The following C12orf42 variants were observed in gnomAD, a reference collection of about 807,000 sequenced individuals.
C12orf42 encodes chromosome 12 open reading frame 42, also known as uncharacterized protein C12orf42.
C12orf42 carries 25 observed loss-of-function variants against 21.6 expected under a neutral mutation model. The observed-to-expected ratio is 1.16, with a 90% CI of 0.84 to 1.62. C12orf42 has a LOEUF of 1.62. C12orf42 is among the 40% of genes most tolerant of loss of function. The pLI, the probability that C12orf42 is intolerant of heterozygous loss-of-function variation, is 0.00. For synonymous variants in C12orf42, 174 were observed against 175.0 expected, an observed-to-expected ratio of 0.99 and a Z score of 0.05; for missense variants, 483 against 459.3, an observed-to-expected ratio of 1.05 and a Z score of -0.47.
intron 4 of C12orf42, among the ~76,000 whole-genome samples, chr12:103,328,767 T>G (rs2040941321): frequency 1.3e-5 from 2 of 152,180 alleles, no homozygotes; most frequent in Non-Finnish European, 2.9e-5. Context: ...GCCATGTTAT[T>G]GAAAGAAAGC....
chr12:103,512,207 A>T, the C12orf42 span, among the ~76,000 whole-genome samples: 1 of 152,230 alleles, frequency 6.6e-6, no homozygotes, highest in African/African-American at 2.4e-5. Context: ...GTGCACAGAA[A>T]GACAACTATT....
At chr12:103,426,336 T>G (rs768007355) in intron 2 of C12orf42, among the ~76,000 whole-genome samples, 24 of 152,112 alleles carry the variant, frequency 1.6e-4, no homozygotes, top group Non-Finnish European at 2.8e-4. Flanking sequence ...AAAGCTGAAT[T>G]GATCAAGTGG....
chr12:103,400,562 T>G (rs915011428), intron 3 of C12orf42, among the ~76,000 whole-genome samples: 5 of 152,226 alleles, frequency 3.3e-5, no homozygotes, highest in African/African-American at 9.6e-5. Context: ...CTTACTTAGC[T>G]ATATTCCTCT....
downstream of C12orf42, among the ~76,000 whole-genome samples, chr12:103,234,123 A>G (rs1295908687): frequency 6.6e-6 from 1 of 152,122 alleles, no homozygotes; most frequent in Non-Finnish European, 1.5e-5. Flanking sequence ...TCGATTTTTG[A>G]ATCCTGAGCC....
At chr12:103,449,151 C>T (rs11111586) in intron 2 of C12orf42, among the ~76,000 whole-genome samples, 21,544 of 151,598 alleles carry the variant, frequency 0.14, 2,127 homozygotes, top group Admixed American at 0.26. Flanking sequence ...TGGAATACTA[C>T]GCAACCATAA....
chr12:103,221,453 T>A, the C12orf42 span, among the ~76,000 whole-genome samples: 1 of 152,232 alleles, frequency 6.6e-6, no homozygotes, highest in Non-Finnish European at 1.5e-5. Context: ...GAGCCTTCTA[T>A]TGCATTCACT....
chr12:103,109,645 T>A, the C12orf42 span, among the ~76,000 whole-genome samples: 1 of 149,870 alleles, frequency 6.7e-6, no homozygotes, highest in Admixed American at 6.7e-5. Flanking sequence ...ATACCATATA[T>A]AAGACGCAAA....
intron 2 of C12orf42, among the ~76,000 whole-genome samples, chr12:103,437,527 AAG>A (rs1331489955): frequency 3.9e-5 from 6 of 152,178 alleles, no homozygotes; most frequent in Non-Finnish European, 7.3e-5. Context: ...TAAAGAAAAA[AAG>A]AGAGAAGAAT....
chr12:103,335,180 G>C (rs2041584372), intron 4 of C12orf42, among the ~76,000 whole-genome samples: 1 of 152,194 alleles, frequency 6.6e-6, no homozygotes, highest in Admixed American at 6.5e-5. Flanking sequence ...TCCATATAAA[G>C]ATTGGGACAT....
intron 4 of C12orf42, among the ~76,000 whole-genome samples, chr12:103,343,785 A>G (rs185206775): frequency 7.2e-5 from 11 of 152,048 alleles, no homozygotes; most frequent in South Asian, 2.1e-4. Context: ...AAAAAAAAAA[A>G]AAAAAGAAAA....
At chr12:103,252,266 G>A (rs1406940297) in intron 10 of C12orf42, among the ~76,000 whole-genome samples, 1 of 152,128 alleles carries the variant, frequency 6.6e-6, no homozygotes, top group Non-Finnish European at 1.5e-5. Context: ...GTGTGCATAG[G>A]TCTTTATAGT....
intron 3 of C12orf42, among the ~76,000 whole-genome samples, chr12:103,400,479 G>A (rs2047900427): frequency 6.6e-6 from 1 of 152,190 alleles, no homozygotes; most frequent in African/African-American, 2.4e-5. Flanking sequence ...TGGGAGTCAT[G>A]GAATCCCTCA....
At chr12:103,362,477 T>C (rs776880635) in intron 4 of C12orf42, among the ~76,000 whole-genome samples, 4 of 152,032 alleles carry the variant, frequency 2.6e-5, no homozygotes, top group Non-Finnish European at 2.9e-5. Context: ...AAAATCACAC[T>C]AGCTCACCAG....
At chr12:103,427,973 C>T (rs529701415) in intron 2 of C12orf42, among the ~76,000 whole-genome samples, 2 of 152,152 alleles carry the variant, frequency 1.3e-5, no homozygotes, top group Non-Finnish European at 2.9e-5. Flanking sequence ...ACAGCTAAAG[C>T]AGTGTTTAGA....
intron 10 of C12orf42, among the ~76,000 whole-genome samples, chr12:103,245,761 C>T (rs188442169): frequency 6.6e-6 from 1 of 152,150 alleles, no homozygotes; most frequent in Admixed American, 6.6e-5. Context: ...TTACTTTGCC[C>T]CAAATCAGTT....
downstream of C12orf42, among the ~76,000 whole-genome samples, chr12:103,233,178 T>C (rs905777235): frequency 2.6e-5 from 4 of 152,218 alleles, no homozygotes; most frequent in African/African-American, 9.6e-5. Context: ...TATTTCATTG[T>C]TATATTTGTC....
chr12:103,398,335 C>T, intron 3 of C12orf42, among the ~76,000 whole-genome samples: 1 of 152,134 alleles, frequency 6.6e-6, no homozygotes, highest in East Asian at 1.9e-4. Context: ...ATTGTCAATT[C>T]ATATCCTTTG....
intron 10 of C12orf42, among the ~76,000 whole-genome samples, chr12:103,249,550 G>C (rs1471837237): frequency 6.6e-6 from 1 of 151,958 alleles, no homozygotes; most frequent in Admixed American, 6.6e-5. Context: ...CCTTAGAGTA[G>C]TGAAAAATTT....
chr12:103,368,165 T>C (rs1321343331), intron 4 of C12orf42: 1 of 662,566 alleles, frequency 1.5e-6, no homozygotes, highest in Non-Finnish European at 2.4e-6. Flanking sequence ...GTGACAATGT[T>C]ATGGGGAATA....
Sources: allele counts gnomAD v4.1 joint callset (sites outside exome capture counted in the v4.1 genomes callset), GRCh38; gene constraint gnomAD v4.1.1; transcripts MANE v1.5; gene names NCBI Gene and HGNC (gene_info 2026-07-23, HGNC 2026-07-21).